The following PARD3B variants were observed in gnomAD, a reference collection of about 807,000 sequenced individuals.
The protein encoded by PARD3B is partitioning defective 3 homolog B.
In PARD3B, 103 loss-of-function variants were observed where a neutral mutation model predicts 130.2. That is an observed-to-expected ratio of 0.79 (90% CI 0.67 to 0.93). The LOEUF (loss-of-function observed/expected upper bound fraction) is 0.93, where lower values mean the gene tolerates loss of function less well. PARD3B is among the 40% of genes least tolerant of loss of function. The pLI is 0.00. For missense variants in PARD3B, 1,609 were observed against 1,499.2 expected (o/e 1.07, Z -1.21); for synonymous variants, 583 against 553.2 (o/e 1.05, Z -0.76).
intron 19 of PARD3B, among the ~76,000 whole-genome samples, chr2:205,408,053 G>A (rs201545308): frequency 1.2e-3 from 179 of 152,240 alleles, no homozygotes; most frequent in African/African-American, 4.0e-3. Context: ...TAGCCTGAAC[G>A]GAATGTCTAA....
intron 2 of PARD3B, among the ~76,000 whole-genome samples, chr2:204,902,002 C>T (rs2046876359): frequency 6.6e-6 from 1 of 152,148 alleles, no homozygotes; most frequent in South Asian, 2.1e-4. Flanking sequence ...TACTCTTCCC[C>T]TCCTCTCCTC....
chr2:205,221,562 G>A (rs180895801), intron 15 of PARD3B, among the ~76,000 whole-genome samples: 2 of 152,152 alleles, frequency 1.3e-5, no homozygotes, highest in African/African-American at 4.8e-5. Context: ...ATGCTACACT[G>A]GACTGTTGGC....
intron 1 of PARD3B, among the ~76,000 whole-genome samples, chr2:204,576,110 C>G (rs925738085): frequency 6.6e-6 from 1 of 152,172 alleles, no homozygotes; most frequent in African/African-American, 2.4e-5. Flanking sequence ...TAGAACCTTG[C>G]AATAAATAGC....
At chr2:205,040,343 T>G (rs999966108) in intron 3 of PARD3B, among the ~76,000 whole-genome samples, 10 of 152,160 alleles carry the variant, frequency 6.6e-5, no homozygotes, top group African/African-American at 2.4e-4. Flanking sequence ...CAGCCCCTCC[T>G]CCGTGCTCAT....
intron 3 of PARD3B, among the ~76,000 whole-genome samples, chr2:205,002,654 AC>A (rs1358224306): frequency 1.3e-5 from 2 of 151,128 alleles, no homozygotes; most frequent in African/African-American, 4.9e-5. Flanking sequence ...TTCTGCCTCC[AC>A]CCTGCCTGCT....
At chr2:205,409,011 T>G (rs2046506553) in intron 19 of PARD3B, among the ~76,000 whole-genome samples, 1 of 152,170 alleles carries the variant, frequency 6.6e-6, no homozygotes, top group South Asian at 2.1e-4. Flanking sequence ...AGGCTTTGGT[T>G]GGCTAAAAAA....
chr2:204,829,867 T>C (rs1035193124), intron 2 of PARD3B, among the ~76,000 whole-genome samples: 3 of 151,780 alleles, frequency 2.0e-5, no homozygotes, highest in East Asian at 1.9e-4. Flanking sequence ...GGCGTGGTAG[T>C]GGGCGCCTGT....
At chr2:205,358,239 T>C in intron 18 of PARD3B, among the ~76,000 whole-genome samples, 1 of 152,194 alleles carries the variant, frequency 6.6e-6, no homozygotes, top group Non-Finnish European at 1.5e-5. Context: ...AATTGAGACC[T>C]TAGCCTGGAT....
At chr2:204,800,274 T>G (rs2042520077) in intron 2 of PARD3B, among the ~76,000 whole-genome samples, 1 of 152,062 alleles carries the variant, frequency 6.6e-6, no homozygotes, top group Admixed American at 6.5e-5. Flanking sequence ...AAAGCAAAAC[T>G]GATTAAGCAG....
chr2:204,672,490 C>A (rs1385617844), intron 1 of PARD3B, among the ~76,000 whole-genome samples: 1 of 152,046 alleles, frequency 6.6e-6, no homozygotes, highest in Non-Finnish European at 1.5e-5. Context: ...CAAACAGATA[C>A]TTTTATAAAA....
chr2:205,299,412 A>G (rs1202247175), intron 16 of PARD3B, among the ~76,000 whole-genome samples: 12 of 151,968 alleles, frequency 7.9e-5, no homozygotes, highest in Admixed American at 7.9e-4. Context: ...GTTTTTTCCC[A>G]GAAATGCAAG....
intron 15 of PARD3B, among the ~76,000 whole-genome samples, chr2:205,219,188 A>G (rs966155815): frequency 6.6e-6 from 1 of 152,146 alleles, no homozygotes; most frequent in Admixed American, 6.5e-5. Flanking sequence ...CGAGATTCTT[A>G]ATATAACTCA....
At chr2:205,080,596 C>T (rs1436333425) in intron 4 of PARD3B, among the ~76,000 whole-genome samples, 2 of 152,066 alleles carry the variant, frequency 1.3e-5, no homozygotes, top group Non-Finnish European at 2.9e-5. Context: ...GAATTATCCA[C>T]TTTGGGATTA....
At chr2:204,567,642 T>C (rs2031753283) in intron 1 of PARD3B, among the ~76,000 whole-genome samples, 1 of 152,254 alleles carries the variant, frequency 6.6e-6, no homozygotes, top group Admixed American at 6.5e-5. Flanking sequence ...CCTTCCACTT[T>C]TGGTTATTGC....
At chr2:205,063,603 T>G (rs1006523782) in intron 4 of PARD3B, among the ~76,000 whole-genome samples, 1 of 152,184 alleles carries the variant, frequency 6.6e-6, no homozygotes, top group Non-Finnish European at 1.5e-5. Flanking sequence ...CTAGTTATTT[T>G]TCTAAGTGCT....
chr2:205,084,646 A>G (rs1028308031), intron 4 of PARD3B, among the ~76,000 whole-genome samples: 1 of 151,892 alleles, frequency 6.6e-6, no homozygotes, highest in Non-Finnish European at 1.5e-5. Flanking sequence ...TCTGTTATGT[A>G]TGTTGTTTAG....
intron 3 of PARD3B, among the ~76,000 whole-genome samples, chr2:205,027,074 A>G (rs1452053307): frequency 6.6e-6 from 1 of 152,162 alleles, no homozygotes; most frequent in South Asian, 2.1e-4. Context: ...ATTCCTTTGG[A>G]TATATGGCTG....
chr2:205,084,833 A>G (rs1329876833), intron 4 of PARD3B, among the ~76,000 whole-genome samples: 3 of 151,842 alleles, frequency 2.0e-5, no homozygotes, highest in Admixed American at 1.3e-4. Context: ...ATATGGTCAT[A>G]TTTTTTCTCT....
At chr2:204,782,527 G>T (rs563246806) in intron 2 of PARD3B, among the ~76,000 whole-genome samples, 1 of 149,296 alleles carries the variant, frequency 6.7e-6, no homozygotes, top group Non-Finnish European at 1.5e-5. Flanking sequence ...TATGTAATCG[G>T]TATGTTATTA....
Sources: allele counts gnomAD v4.1 joint callset (sites outside exome capture counted in the v4.1 genomes callset), GRCh38; gene constraint gnomAD v4.1.1; transcripts MANE v1.5; gene names NCBI Gene and HGNC (gene_info 2026-07-23, HGNC 2026-07-21).